P2RY8: variants seen among roughly 807,000 people sequenced by gnomAD.
P2RY8 encodes P2Y receptor family member 8.
P2RY8 carries 6 observed loss-of-function variants against 10.0 expected under a neutral mutation model. The ratio of observed to expected loss-of-function variants is 0.60; its 90% CI spans 0.33 to 1.19. The LOEUF (loss-of-function observed/expected upper bound fraction) is 1.19. Ranked by LOEUF, P2RY8 falls within the 50% of genes most tolerant of loss-of-function variation. P2RY8 has a pLI of 0.04. For missense variants in P2RY8, 456 were observed against 542.0 expected, an observed-to-expected ratio of 0.84 and a Z score of 1.58; for synonymous variants, 276 against 252.5, an observed-to-expected ratio of 1.09 and a Z score of -0.88.
intron 1 of P2RY8, among the ~76,000 whole-genome samples, chrX:1,530,857 T>C (rs2149416031): frequency 6.7e-6 from 1 of 150,292 alleles, no homozygotes; most frequent in Non-Finnish European, 1.5e-5. Context: ...TATCTATGTA[T>C]GTATTGTCTA....
intron 1 of P2RY8, among the ~76,000 whole-genome samples, chrX:1,476,346 G>A (rs1254658298): frequency 1.3e-5 from 2 of 152,004 alleles, no homozygotes; most frequent in East Asian, 3.9e-4. Context: ...GGAGGCTGAG[G>A]TGGGCAGATC....
At chrX:1,524,669 T>TACATC (rs2092424043) in intron 1 of P2RY8, among the ~76,000 whole-genome samples, 3 of 51,098 alleles carry the variant, frequency 5.9e-5, no homozygotes, top group African/African-American at 1.6e-4. Context: ...ATCCATCCAT[T>TACATC]CATCCATCCA....
chrX:1,495,731 G>T (rs1200393044), intron 1 of P2RY8, among the ~76,000 whole-genome samples: 1 of 113,538 alleles, frequency 8.8e-6, no homozygotes, highest in Admixed American at 1.1e-4. Flanking sequence ...GCGTCTCCAA[G>T]CCCAGGAGAG....
At chrX:1,478,563 C>T (rs749744130) in intron 1 of P2RY8, among the ~76,000 whole-genome samples, 2 of 152,074 alleles carry the variant, frequency 1.3e-5, no homozygotes, top group South Asian at 2.1e-4. Flanking sequence ...ACTGCAACCT[C>T]CGCCTCCCGG....
intron 1 of P2RY8, among the ~76,000 whole-genome samples, chrX:1,500,601 C>T (rs1349744423): frequency 6.2e-5 from 9 of 145,228 alleles, no homozygotes; most frequent in Non-Finnish European, 1.2e-4. Flanking sequence ...CACGCCACCA[C>T]ACCCAGCTAA....
chrX:1,468,421 C>T (rs2091723246), intron 1 of P2RY8, among the ~76,000 whole-genome samples: 1 of 152,178 alleles, frequency 6.6e-6, no homozygotes, highest in Non-Finnish European at 1.5e-5. Context: ...CGAGTCTGTG[C>T]CCTGTGGCCA....
rs149851863 is a variant in P2RY8 at position 1,477,340 on chromosome X, A to G, written c.-24-10758T>C. 3.8e-4 allele frequency among the ~76,000 whole-genome samples: 55 copies of G among 146,046 alleles called. No individual in the cohort carries two copies. In the East Asian group the frequency reaches 1.0e-2, roughly 26 times the overall value. ...CTTGATCTATCATCTATCTATATCA[A>G]TTATCTATCAATCGATCATCTATCT... On this transcript the variant is annotated intron_variant, in intron 1 of 1. Coordinates refer to ENST00000381297, the MANE Select transcript of P2RY8 (RefSeq NM_178129.5).
intron 1 of P2RY8, among the ~76,000 whole-genome samples, chrX:1,516,772 G>T (rs28708621): frequency 6.9e-6 from 1 of 143,970 alleles, no homozygotes; most frequent in Non-Finnish European, 1.5e-5. Flanking sequence ...AGGAGATGAG[G>T]ACACAGACAC....
intron 1 of P2RY8, among the ~76,000 whole-genome samples, chrX:1,536,282 AAC>A (rs1455281027): frequency 8.6e-4 from 130 of 151,368 alleles, no homozygotes; most frequent in African/African-American, 3.0e-3. Flanking sequence ...TTTTTTTCTA[AAC>A]AGAGTCTCGC....
chrX:1,473,747 A>ATGC (rs2091833049), intron 1 of P2RY8, among the ~76,000 whole-genome samples: 1 of 106,614 alleles, frequency 9.4e-6, no homozygotes, highest in Non-Finnish European at 1.9e-5. Flanking sequence ...TGGATGGATG[A>ATGC]TGAATGGATG....
chrX:1,517,277 A>G (rs1262970576), intron 1 of P2RY8, among the ~76,000 whole-genome samples: 1 of 152,158 alleles, frequency 6.6e-6, no homozygotes, highest in Admixed American at 6.5e-5. Flanking sequence ...CCCCGTGAGG[A>G]CACAGGGAGG....
chrX:1,482,837 G>T (rs1472724110), intron 1 of P2RY8, among the ~76,000 whole-genome samples: 4 of 151,316 alleles, frequency 2.6e-5, no homozygotes, highest in Admixed American at 6.6e-5. Flanking sequence ...GCAAACTATC[G>T]CAAGGACAAA....
intron 1 of P2RY8, among the ~76,000 whole-genome samples, chrX:1,504,928 C>T (rs1465375265): frequency 1.3e-5 from 2 of 151,846 alleles, no homozygotes; most frequent in Admixed American, 6.6e-5. Flanking sequence ...GTCAGGAGAT[C>T]GAGACCATCC....
At chrX:1,480,685 A>G (rs1324267842) in intron 1 of P2RY8, among the ~76,000 whole-genome samples, 1 of 152,018 alleles carries the variant, frequency 6.6e-6, no homozygotes, top group Non-Finnish European at 1.5e-5. Flanking sequence ...GTGAGGGGAT[A>G]GAGGAGGGAG....
At chrX:1,501,030 A>T (rs1186323171) in intron 1 of P2RY8, among the ~76,000 whole-genome samples, 2 of 151,934 alleles carry the variant, frequency 1.3e-5, no homozygotes, top group Admixed American at 1.3e-4. Context: ...GTCCTGGGAG[A>T]GGTGGGGATT....
At chrX:1,507,170 A>G (rs139083206) in intron 1 of P2RY8, among the ~76,000 whole-genome samples, 5,096 of 151,922 alleles carry the variant, frequency 0.034, 121 homozygotes, top group Non-Finnish European at 0.051. Context: ...AGCCTCCCGA[A>G]GCCCTTGCGT....
intron 1 of P2RY8, among the ~76,000 whole-genome samples, chrX:1,467,144 C>G (rs2091696821): frequency 6.6e-6 from 1 of 152,108 alleles, no homozygotes; most frequent in African/African-American, 2.4e-5. Context: ...TATGAGTCCT[C>G]TCATCTCAGG....
chrX:1,511,626 C>T (rs2092298403), intron 1 of P2RY8, among the ~76,000 whole-genome samples: 1 of 152,194 alleles, frequency 6.6e-6, no homozygotes, highest in Admixed American at 6.5e-5. Flanking sequence ...TTCAAACTGT[C>T]CTCCCACTTC....
intron 1 of P2RY8, among the ~76,000 whole-genome samples, chrX:1,500,744 G>A (rs1312303748): frequency 5.3e-5 from 8 of 152,034 alleles, no homozygotes; most frequent in East Asian, 3.9e-4. Flanking sequence ...CCCTGCGCCC[G>A]GCCACGTTAA....
Sources: gnomAD v4.1 joint callset for allele counts (sites outside exome capture counted in the v4.1 genomes callset) on GRCh38, gnomAD v4.1.1 for gene constraint, MANE v1.5 for transcripts, NCBI Gene and HGNC (gene_info 2026-07-23, HGNC 2026-07-21) for gene names.